Variants in GRM7 observed in about 807,000 individuals in gnomAD.
The protein encoded by GRM7 is metabotropic glutamate receptor 7.
In GRM7, 35 loss-of-function variants were observed where a neutral mutation model predicts 84.5. The ratio of observed to expected loss-of-function variants is 0.41; its 90% CI spans 0.32 to 0.55. The LOEUF (loss-of-function observed/expected upper bound fraction) is 0.55. Ranked by LOEUF, GRM7 falls within the 20% of genes least tolerant of loss-of-function variation. GRM7 has a pLI of 0.19. For synonymous variants in GRM7, 487 were observed against 455.1 expected, an observed-to-expected ratio of 1.07 and a Z score of -0.89; for missense variants, 1,003 against 1,194.6, an observed-to-expected ratio of 0.84 and a Z score of 2.36.
At chr3:7,545,147 G>A (rs1693085248) in intron 7 of GRM7, among the ~76,000 whole-genome samples, 1 of 152,218 alleles carries the variant, frequency 6.6e-6, no homozygotes, top group East Asian at 1.9e-4. Context: ...TACAGAGCAA[G>A]TAGAAAATAT....
chr3:7,246,364 A>G (rs1042595551), intron 2 of GRM7, among the ~76,000 whole-genome samples: 6 of 152,106 alleles, frequency 3.9e-5, no homozygotes, highest in African/African-American at 1.4e-4. Context: ...GCACATTGGC[A>G]CATCTTTTGC....
chr3:7,606,140 T>G (rs2125074909), intron 8 of GRM7, among the ~76,000 whole-genome samples: 1 of 152,338 alleles, frequency 6.6e-6, no homozygotes, highest in African/African-American at 2.4e-5. Flanking sequence ...TTACATTAAT[T>G]AATATTCTTC....
chr3:6,897,379 G>T (rs1696222225), intron 1 of GRM7, among the ~76,000 whole-genome samples: 1 of 152,292 alleles, frequency 6.6e-6, no homozygotes, highest in Admixed American at 6.5e-5. Flanking sequence ...TTTAACAAAT[G>T]CTCCAGGTGA....
chr3:6,903,977 A>G (rs1696481358), intron 1 of GRM7, among the ~76,000 whole-genome samples: 1 of 152,010 alleles, frequency 6.6e-6, no homozygotes, highest in Non-Finnish European at 1.5e-5. Context: ...ATGTGTTTTC[A>G]TTTAGATTTG....
intron 7 of GRM7, among the ~76,000 whole-genome samples, chr3:7,575,771 G>T (rs1189011872): frequency 2.0e-5 from 3 of 152,150 alleles, no homozygotes; most frequent in African/African-American, 7.2e-5. Context: ...GTTGAAACCT[G>T]CTTTAAACGA....
chr3:7,541,915 C>T (rs779741), intron 7 of GRM7, among the ~76,000 whole-genome samples: 10 of 152,064 alleles, frequency 6.6e-5, no homozygotes, highest in Admixed American at 3.3e-4. Context: ...CAGAAACTCA[C>T]GGTAGAAATC....
chr3:6,920,730 G>T (rs1355742256), intron 1 of GRM7, among the ~76,000 whole-genome samples: 1 of 152,040 alleles, frequency 6.6e-6, no homozygotes, highest in Non-Finnish European at 1.5e-5. Flanking sequence ...TTGGGGCTGG[G>T]TCTCCTTCTC....
At chr3:7,702,392 A>G (rs1218518854) in intron 9 of GRM7, among the ~76,000 whole-genome samples, 1 of 152,216 alleles carries the variant, frequency 6.6e-6, no homozygotes, top group East Asian at 1.9e-4. Context: ...ATTCTGAAAG[A>G]AAATTTTGAC....
At chr3:7,183,419 A>C (rs1407800931) in intron 2 of GRM7, among the ~76,000 whole-genome samples, 2 of 151,996 alleles carry the variant, frequency 1.3e-5, no homozygotes, top group Admixed American at 6.6e-5. Flanking sequence ...CTGAGATCAG[A>C]AGTTCAAGAC....
chr3:7,306,803 A>G (rs542133678), intron 4 of GRM7, 151 bp downstream of exon 4: 7 of 547,100 alleles, frequency 1.3e-5, no homozygotes, highest in African/African-American at 7.8e-5. Flanking sequence ...ATGAGGCCAC[A>G]CACCTGGTCT....
chr3:6,930,446 A>G (rs772483201), intron 1 of GRM7, among the ~76,000 whole-genome samples: 14 of 152,198 alleles, frequency 9.2e-5, no homozygotes, highest in South Asian at 2.1e-4. Context: ...TAGGTTCTCA[A>G]TATGTAGTGT....
chr3:7,549,739 A>G (rs1389004817), intron 7 of GRM7, among the ~76,000 whole-genome samples: 1 of 152,252 alleles, frequency 6.6e-6, no homozygotes, highest in Non-Finnish European at 1.5e-5. Flanking sequence ...CACAAGTGAC[A>G]GTGAGGCCAG....
chr3:7,439,200 A>G (rs1224894665), intron 5 of GRM7, among the ~76,000 whole-genome samples: 1 of 152,172 alleles, frequency 6.6e-6, no homozygotes, highest in Non-Finnish European at 1.5e-5. Flanking sequence ...GAGCAGAGAC[A>G]ATGACCACTT....
chr3:7,049,673 A>G lies in GRM7; in HGVS notation c.520-96779A>G, dbSNP rs138539024. ...TTCGTGAGGAAGGAATCATGGTTCT[A>G]TGGTTCTATGAAAAATTATTGCAAA... On this transcript the variant is annotated intron_variant, in intron 1 of 9. Coordinates refer to ENST00000357716, the MANE Select transcript of GRM7 (RefSeq NM_000844.4). Among the ~76,000 whole-genome samples the G allele has an allele frequency of 1.8e-3, 274 of 152,084 alleles. 1 individual carries two copies. Among genetic ancestry groups the G allele is most frequent in the African/African-American group, 6.2e-3 (256 of 41,552 alleles).
chr3:7,626,194 C>G (rs1447583126), intron 8 of GRM7, among the ~76,000 whole-genome samples: 1 of 152,100 alleles, frequency 6.6e-6, no homozygotes, highest in Non-Finnish European at 1.5e-5. Context: ...GCCCTCGTCC[C>G]TCCCCTCCCA....
intron 2 of GRM7, among the ~76,000 whole-genome samples, chr3:7,241,397 T>A (rs1697553183): frequency 6.6e-6 from 1 of 152,188 alleles, no homozygotes; most frequent in African/African-American, 2.4e-5. Context: ...CATATTAATA[T>A]AATAGTCATC....
chr3:7,101,922 A>G (rs1339403171), intron 1 of GRM7, among the ~76,000 whole-genome samples: 7 of 151,106 alleles, frequency 4.6e-5, no homozygotes, highest in Non-Finnish European at 1.0e-4. Flanking sequence ...CATAAATGGC[A>G]TTGTACTACT....
intron 8 of GRM7, among the ~76,000 whole-genome samples, chr3:7,655,877 C>A (rs943488324): frequency 6.6e-6 from 1 of 152,154 alleles, no homozygotes. Context: ...TAAATGCATC[C>A]ATTTTCATAA....
intron 8 of GRM7, among the ~76,000 whole-genome samples, chr3:7,653,954 G>C: frequency 6.6e-6 from 1 of 152,108 alleles, no homozygotes; most frequent in African/African-American, 2.4e-5. Flanking sequence ...TGGCACCCCT[G>C]CTACTCCCTT....
Sources: allele counts gnomAD v4.1 joint callset (sites outside exome capture counted in the v4.1 genomes callset), GRCh38; gene constraint gnomAD v4.1.1; transcripts MANE v1.5; gene names NCBI Gene and HGNC (gene_info 2026-07-23, HGNC 2026-07-21).